Variants in HSD17B14 observed in about 807,000 individuals in gnomAD.
The protein encoded by HSD17B14 is hydroxysteroid 17-beta dehydrogenase 14.
Under a neutral mutation model 32.2 loss-of-function variants are expected in HSD17B14, and 32 were observed. That is an observed-to-expected ratio of 0.99 (90% confidence interval 0.75 to 1.33). The LOEUF (loss-of-function observed/expected upper bound fraction) is 1.33. HSD17B14 is among the 40% of genes most tolerant of loss of function. The probability of loss-of-function intolerance (pLI) is 0.00; values close to 1 mark genes in which losing one functional copy is unlikely to be tolerated. For missense variants in HSD17B14, 370 were observed against 366.5 expected (o/e 1.01, Z -0.08); for synonymous variants, 140 against 155.4 (o/e 0.90, Z 0.74).
Position 48,822,102 on chromosome 19 carries a change from G to T in HSD17B14, c.370-6961C>A, listed in dbSNP as rs561423998. The stretch of plus-strand genomic sequence containing the variant: ...TGGTGATGGTGATGATGGTGGTGAT[G>T]ATGGTGGCAATGATGGTGATGCTGA... On this transcript the variant is annotated intron_variant, in intron 5 of 8. Coordinates refer to ENST00000263278, the MANE Select transcript of HSD17B14 (RefSeq NM_016246.3). 4.0e-4 allele frequency among the ~76,000 whole-genome samples: 58 copies of T among 145,584 alleles called. No homozygotes were observed. In the South Asian group the frequency reaches 0.011, roughly 29 times the overall value.
rs534526534 is a variant in HSD17B14, at chr19:48,835,663, G to A, written c.127+142C>T. On this transcript the variant is annotated intron_variant, in intron 2 of 8. Coordinates refer to ENST00000263278, the MANE Select transcript of HSD17B14 (RefSeq NM_016246.3). ...GACTCCTAGGTCTGAGGGAGGAGGG[G>A]CTGAGGTCTGGACTCCTGGGTCTGA... 278 of 742,920 alleles carry A rather than the reference G, an allele frequency of 3.7e-4. 3 individuals are homozygous for A. In the African/African-American group the frequency reaches 4.7e-3, roughly 13 times the overall value. 46.0% of individuals were successfully genotyped at this position (742,920 alleles called of 1,614,324 possible). A position where few individuals can be genotyped will look rare whatever the true frequency, so the allele number is the denominator to read the frequency against.
In HSD17B14 at chr19:48,831,766, TG is replaced by T; in HGVS notation, c.278-8del. The T allele has an allele frequency of 3.9e-6, 6 of 1,545,940 alleles. No homozygotes were observed. The highest frequency in any genetic ancestry group is 5.3e-6 in the Non-Finnish European group (6 of 1,129,102). ...GGCCTCTGTGGGGGTGGGTCTAAAGTGGGGGGTGAGAGAGAGAGGAAAAGTG... is the reference window on the plus strand; with the variant it reads ...GGCCTCTGTGGGGGTGGGTCTAAAGTGGGGGTGAGAGAGAGAGGAAAAGTG... On this transcript the variant is annotated splice_polypyrimidine_tract_variant and splice_region_variant and intron_variant, in intron 4 of 8. Coordinates refer to ENST00000263278, the MANE Select transcript of HSD17B14 (RefSeq NM_016246.3).
intron 5 of HSD17B14, among the ~76,000 whole-genome samples, chr19:48,817,729 G>GAATGAATGAATGGGTGAATT (rs1178419174): frequency 6.6e-6 from 1 of 152,206 alleles, no homozygotes; most frequent in East Asian, 1.9e-4. Context: ...AATATCCTTT[G>GAATGAATGAATGGGTGAATT]AATGAATGAA....
intron 1 of HSD17B14, 127 bp downstream of exon 1, chr19:48,836,197 C>T: frequency 1.0e-6 from 1 of 1,001,752 alleles, no homozygotes; most frequent in Non-Finnish European, 1.5e-6. Context: ...CTTTAGCCTG[C>T]AAATTGGCTT....
chr19:48,823,522 T>C (rs930762339), intron 5 of HSD17B14, among the ~76,000 whole-genome samples: 6 of 152,130 alleles, frequency 3.9e-5, no homozygotes, highest in South Asian at 2.1e-4. Context: ...AAAAGAAATA[T>C]ATACATTTAT....
Position 48,836,347 on chromosome 19 carries a change from C to T in HSD17B14, c.65G>A (p.Gly22Glu). The T allele has an allele frequency of 1.2e-6, 2 of 1,613,984 alleles. No homozygotes were observed. Among genetic ancestry groups the T allele is most frequent in the South Asian group, 2.2e-5 (2 of 91,078 alleles). The stretch of plus-strand genomic sequence containing the variant: ...ACCGAAGGCGCGCACGATCCCAGCT[C>T]CGATGCCGCGCCCGCCCCCGGTCAC... ...VVVTGGGRGI[G>E]AGIVRAFVNS... is the part of the protein sequence containing the mutation. Residue 22 changes from glycine to glutamate, a missense_variant, in exon 1 of 9, where the codon GGA becomes GAA. Transcript: ENST00000263278.
chr19:48,834,389 C>CT (rs759047273), intron 2 of HSD17B14, 31 bp from the exon 3 acceptor site: 13 of 1,427,144 alleles, frequency 9.1e-6, no homozygotes, highest in African/African-American at 1.4e-5. Flanking sequence ...GGAGCCTGGA[C>CT]CCCTGGGTCT....
intron 5 of HSD17B14, among the ~76,000 whole-genome samples, chr19:48,819,777 C>G (rs1252930215): frequency 6.6e-6 from 1 of 152,204 alleles, no homozygotes; most frequent in Non-Finnish European, 1.5e-5. Context: ...TTAGGAAGAC[C>G]TGGCTGCCCA....
chr19:48,830,596 G>C (rs924230489), intron 5 of HSD17B14, among the ~76,000 whole-genome samples: 1 of 152,056 alleles, frequency 6.6e-6, no homozygotes, highest in African/African-American at 2.4e-5. Context: ...GTCTCAGAGT[G>C]TGGCGTTTCT....
At chr19:48,826,528 A>AAAAAAAAAAAATAT (rs777368104) in intron 5 of HSD17B14, among the ~76,000 whole-genome samples, 1 of 23,096 alleles carries the variant, frequency 4.3e-5, no homozygotes, top group African/African-American at 1.2e-4. Flanking sequence ...AAAAGAAGAA[A>AAAAAAAAAAAATAT]ATATATATAT....
At chr19:48,823,883 C>T (rs182962449) in intron 5 of HSD17B14, among the ~76,000 whole-genome samples, 177 of 150,878 alleles carry the variant, frequency 1.2e-3, no homozygotes, top group Admixed American at 2.0e-3. Flanking sequence ...TCAGGCAATC[C>T]GCCCGCCTAG....
intron 6 of HSD17B14, among the ~76,000 whole-genome samples, chr19:48,814,223 GAAA>G: frequency 6.9e-6 from 1 of 145,556 alleles, no homozygotes; most frequent in East Asian, 2.1e-4. Flanking sequence ...GAAAAGAAAA[GAAA>G]AAAAGAAAGT....
intron 5 of HSD17B14, among the ~76,000 whole-genome samples, chr19:48,821,358 A>G (rs2035146026): frequency 6.6e-6 from 1 of 152,200 alleles, no homozygotes; most frequent in African/African-American, 2.4e-5. Context: ...CTGAGAGACT[A>G]CAACTGAAAC....
chr19:48,827,045 C>CTT (rs770386507), intron 5 of HSD17B14, among the ~76,000 whole-genome samples: 8 of 143,326 alleles, frequency 5.6e-5, no homozygotes, highest in Non-Finnish European at 7.7e-5. Context: ...TAAAACCCCA[C>CTT]TTTTTTTTTT....
intron 5 of HSD17B14, among the ~76,000 whole-genome samples, chr19:48,816,779 T>TTTTCTTTCTTTCTTTCTTTC (rs368394306): frequency 0.17 from 20,962 of 121,818 alleles, 2,429 homozygotes; most frequent in Non-Finnish European, 0.2. Flanking sequence ...GCAAGACCCT[T>TTTTCTTTCTTTCTTTCTTTC]TTTCTTTCTT....
rs35299026 is a variant in HSD17B14, at chr19:48,815,123, G to T, written c.388C>A (p.Arg130=). 6.2e-6 allele frequency: 10 copies of T among 1,613,774 alleles called. No homozygotes were observed. In the South Asian group the frequency reaches 1.1e-4, roughly 18 times the overall value. ...TLTKLALPYL[R]KSQGNVINIS... ...TTGATGACATTCCCTTGACTCTTCCGCAGGTAGGGGAGGGCGAGCTAGGGA... is the reference window on the plus strand; with the variant it reads ...TTGATGACATTCCCTTGACTCTTCCTCAGGTAGGGGAGGGCGAGCTAGGGA... The change falls in exon 6 of 9, where the codon CGG becomes AGG. Residue 130 remains arginine (R), a synonymous_variant. Coordinates refer to ENST00000263278, the MANE Select transcript of HSD17B14 (RefSeq NM_016246.3).
chr19:48,813,404 C>G (rs769924397), intron 8 of HSD17B14, 52 bp downstream of exon 8: 21 of 1,555,706 alleles, frequency 1.3e-5, no homozygotes, highest in Middle Eastern at 1.7e-4. Context: ...GATCGCCATG[C>G]CCCCCACCCC....
At position 48,836,413 on chromosome 19, in the gene HSD17B14, C is replaced by T. The variant is rs2035517848; in HGVS notation, c.-2G>A. On this transcript the variant is annotated 5_prime_UTR_variant, in exon 1 of 9. Coordinates refer to ENST00000263278, the MANE Select transcript of HSD17B14 (RefSeq NM_016246.3). The stretch of plus-strand genomic sequence containing the variant: ...GGCATAGCGCGTTCCCGTAGCCATC[C>T]CGTGTACGTCGGTCTCTCTCTCTCT... The T allele has an allele frequency of 1.2e-6, 2 of 1,612,968 alleles. No homozygotes were observed. Among genetic ancestry groups the T allele is most frequent in the African/African-American group, 1.3e-5 (1 of 74,352 alleles).
intron 5 of HSD17B14, among the ~76,000 whole-genome samples, chr19:48,819,268 C>T (rs550330158): frequency 6.6e-6 from 1 of 152,260 alleles, no homozygotes; most frequent in East Asian, 1.9e-4. Context: ...GGATTACAGG[C>T]GTGAGCCACC....
Sources: gnomAD v4.1 joint callset for allele counts (sites outside exome capture counted in the v4.1 genomes callset) on GRCh38, gnomAD v4.1.1 for gene constraint, MANE v1.5 for transcripts, NCBI Gene and HGNC (gene_info 2026-07-23, HGNC 2026-07-21) for gene names.